The following PHACTR1 variants were observed in gnomAD, a reference collection of about 807,000 sequenced individuals.
The protein encoded by PHACTR1 is RPEL repeat containing 1.
In PHACTR1, 16 loss-of-function variants were observed where a neutral mutation model predicts 69.2. The ratio of observed to expected loss-of-function variants is 0.23; its 90% CI spans 0.16 to 0.35. The LOEUF (loss-of-function observed/expected upper bound fraction) is 0.35, where lower values mean the gene tolerates loss of function less well. Ranked by LOEUF, PHACTR1 falls within the 10% of genes least tolerant of loss-of-function variation. The probability of loss-of-function intolerance (pLI) is 1.00; values close to 1 mark genes in which losing one functional copy is unlikely to be tolerated. For synonymous variants in PHACTR1, 312 were observed against 284.5 expected (o/e 1.10, Z -0.97); for missense variants, 510 against 734.7 (o/e 0.69, Z 3.54).
intron 4 of PHACTR1, among the ~76,000 whole-genome samples, chr6:12,932,779 C>A (rs1789011649): frequency 6.6e-6 from 1 of 152,186 alleles, no homozygotes; most frequent in South Asian, 2.1e-4. Context: ...TACTTTACCC[C>A]ATTTTATACA....
chr6:12,965,451 C>CATTTTT (rs60864787), intron 4 of PHACTR1, among the ~76,000 whole-genome samples: 84 of 131,934 alleles, frequency 6.4e-4, no homozygotes, highest in African/African-American at 1.6e-3. Flanking sequence ...TATTTTGTGC[C>CATTTTT]TTTTTTTTTT....
intron 4 of PHACTR1, among the ~76,000 whole-genome samples, chr6:12,931,499 T>C (rs183079536): frequency 4.6e-4 from 70 of 152,158 alleles, no homozygotes; most frequent in African/African-American, 1.6e-3. Context: ...AGACCCAAAA[T>C]AAATCCAGGA....
chr6:13,118,854 ACT>A (rs1818218649), intron 5 of PHACTR1, among the ~76,000 whole-genome samples: 1 of 151,928 alleles, frequency 6.6e-6, no homozygotes, highest in South Asian at 2.1e-4. Context: ...TGAGTTTGCA[ACT>A]CTATTTAGCT....
intron 4 of PHACTR1, among the ~76,000 whole-genome samples, chr6:13,029,769 T>A (rs1274208706): frequency 6.6e-6 from 1 of 152,256 alleles, no homozygotes; most frequent in African/African-American, 2.4e-5. Flanking sequence ...GCTGTTCTAG[T>A]GCAAATGCAG....
At chr6:13,005,254 T>C (rs1798645397) in intron 4 of PHACTR1, among the ~76,000 whole-genome samples, 1 of 151,804 alleles carries the variant, frequency 6.6e-6, no homozygotes, top group Non-Finnish European at 1.5e-5. Context: ...ACTTAGACTA[T>C]CTCTCTATGG....
intron 8 of PHACTR1, among the ~76,000 whole-genome samples, chr6:13,220,436 A>G (rs928083714): frequency 6.6e-6 from 1 of 152,222 alleles, no homozygotes; most frequent in African/African-American, 2.4e-5. Flanking sequence ...AGAGGAAACC[A>G]TATAGATCTC....
chr6:13,241,181 T>G (rs1370648095), intron 10 of PHACTR1, among the ~76,000 whole-genome samples: 1 of 152,146 alleles, frequency 6.6e-6, no homozygotes, highest in African/African-American at 2.4e-5. Flanking sequence ...AAGGGAGAGA[T>G]AAGGCATGGA....
intron 7 of PHACTR1, among the ~76,000 whole-genome samples, chr6:13,198,265 G>A (rs1764704965): frequency 6.6e-6 from 1 of 152,222 alleles, no homozygotes. Flanking sequence ...TAAGAAAAAT[G>A]AAAGGGATTG....
chr6:12,994,905 T>C (rs1797244073), intron 4 of PHACTR1, among the ~76,000 whole-genome samples: 1 of 152,128 alleles, frequency 6.6e-6, no homozygotes, highest in Non-Finnish European at 1.5e-5. Flanking sequence ...AATTAAAATA[T>C]ATAAAGATTC....
At chr6:12,899,988 A>T (rs910365250) in intron 4 of PHACTR1, among the ~76,000 whole-genome samples, 1 of 152,158 alleles carries the variant, frequency 6.6e-6, no homozygotes, top group Non-Finnish European at 1.5e-5. Context: ...GGCAGCCAGA[A>T]AACCAAGCTA....
At chr6:13,163,964 AC>A (rs1388888649) in intron 6 of PHACTR1, among the ~76,000 whole-genome samples, 2 of 151,812 alleles carry the variant, frequency 1.3e-5, no homozygotes, top group Non-Finnish European at 2.9e-5. Context: ...TTTTCTTCAA[AC>A]CTTTTATGTG....
intron 4 of PHACTR1, among the ~76,000 whole-genome samples, chr6:12,962,206 T>A (rs9473113): frequency 0.5 from 76,636 of 151,942 alleles, 22,250 homozygotes; most frequent in African/African-American, 0.8. Context: ...AAATGCTGGG[T>A]TGAGCCACTG....
intron 5 of PHACTR1, among the ~76,000 whole-genome samples, chr6:13,134,945 C>G (rs935835145): frequency 6.6e-6 from 1 of 152,154 alleles, no homozygotes; most frequent in Non-Finnish European, 1.5e-5. Context: ...AACCCCTTCT[C>G]GCTATTTCCA....
intron 6 of PHACTR1, among the ~76,000 whole-genome samples, chr6:13,165,333 A>G (rs927592271): frequency 2.0e-5 from 3 of 152,152 alleles, no homozygotes; most frequent in African/African-American, 2.4e-5. Context: ...CTTATGACCT[A>G]TTTGCTTAAA....
chr6:12,886,116 A>C (rs1783609057), intron 4 of PHACTR1, among the ~76,000 whole-genome samples: 1 of 152,076 alleles, frequency 6.6e-6, no homozygotes, highest in Admixed American at 6.5e-5. Context: ...CAAAAACAGA[A>C]AACAAAACAA....
chr6:13,188,406 T>C (rs1450385048), intron 7 of PHACTR1, among the ~76,000 whole-genome samples: 1 of 152,232 alleles, frequency 6.6e-6, no homozygotes, highest in East Asian at 1.9e-4. Flanking sequence ...CTAAGAATTC[T>C]AGAACTCTAA....
At chr6:13,164,553 G>A (rs1187954099) in intron 6 of PHACTR1, among the ~76,000 whole-genome samples, 3 of 152,160 alleles carry the variant, frequency 2.0e-5, no homozygotes, top group African/African-American at 4.8e-5. Context: ...TGTTTGTGCC[G>A]CAGTTATGCT....
intron 4 of PHACTR1, among the ~76,000 whole-genome samples, chr6:12,842,268 A>C (rs538819459): frequency 2.8e-4 from 43 of 152,330 alleles, no homozygotes; most frequent in African/African-American, 9.6e-4. Flanking sequence ...GCATAATTTC[A>C]TGACTCATGA....
At chr6:13,020,609 T>A (rs1316817656) in intron 4 of PHACTR1, among the ~76,000 whole-genome samples, 3 of 151,566 alleles carry the variant, frequency 2.0e-5, no homozygotes, top group South Asian at 2.1e-4. Flanking sequence ...AAGGAAAGAG[T>A]CACTGGAAGC....
Sources: allele counts gnomAD v4.1 joint callset (sites outside exome capture counted in the v4.1 genomes callset), GRCh38; gene constraint gnomAD v4.1.1; transcripts MANE v1.5; gene names NCBI Gene and HGNC (gene_info 2026-07-23, HGNC 2026-07-21).